RHEB: variants seen among roughly 807,000 people sequenced by gnomAD.
RHEB encodes GTP-binding protein Rheb.
Under a neutral mutation model 28.8 loss-of-function variants are expected in RHEB, and 2 were observed. The observed-to-expected ratio is 0.07, with a 90% CI of 0.03 to 0.22. The LOEUF is 0.22. RHEB is among the 10% of genes least tolerant of loss of function. RHEB has a pLI of 1.00. For synonymous variants in RHEB, 69 were observed against 77.3 expected (o/e 0.89, Z 0.56); for missense variants, 76 against 219.9 (o/e 0.35, Z 4.14).
intron 2 of RHEB, among the ~76,000 whole-genome samples, chr7:151,485,370 C>T (rs888162042): frequency 1.3e-5 from 2 of 152,190 alleles, no homozygotes; most frequent in Non-Finnish European, 1.5e-5. Context: ...CTTCTTTTCC[C>T]TGACAAGGGA....
chr7:151,484,541 A>G (rs754451460), intron 3 of RHEB, among the ~76,000 whole-genome samples, 196 bp downstream of exon 3: 1 of 152,208 alleles, frequency 6.6e-6, no homozygotes. Flanking sequence ...AATGTATCAA[A>G]TACCTCAATA....
intron 1 of RHEB, chr7:151,498,017 CACACTTG>C (rs1190767535): frequency 2.3e-6 from 2 of 866,320 alleles, no homozygotes; most frequent in Non-Finnish European, 3.3e-6. Flanking sequence ...TTGGGTGCCA[CACACTTG>C]ACCATGAAGA....
At chr7:151,519,432 G>A (rs1475530009) in intron 1 of RHEB, 28 bp downstream of exon 1, 6 of 1,395,490 alleles carry the variant, frequency 4.3e-6, no homozygotes, top group Admixed American at 2.5e-5. Context: ...GGCGGCGCGA[G>A]GAGGCCGCGC....
intron 1 of RHEB, among the ~76,000 whole-genome samples, chr7:151,494,846 T>C (rs986922539): frequency 3.9e-5 from 6 of 152,260 alleles, no homozygotes; most frequent in South Asian, 2.1e-4. Flanking sequence ...ATGCTGTTTT[T>C]TGCCATTTCC....
chr7:151,493,735 C>T (rs56690392), intron 1 of RHEB, among the ~76,000 whole-genome samples: 1,696 of 152,182 alleles, frequency 0.011, 30 homozygotes, highest in African/African-American at 0.038. Flanking sequence ...TTAAGAATTC[C>T]ACAAATTTAA....
At chr7:151,502,529 T>A in intron 1 of RHEB, 1 of 1,010,382 alleles carries the variant, frequency 9.9e-7, no homozygotes, top group East Asian at 2.4e-5. Flanking sequence ...TGACTTTGAA[T>A]CTTTCAAACC....
chr7:151,479,693 A>AT (rs1802347782), intron 3 of RHEB, among the ~76,000 whole-genome samples: 1 of 151,860 alleles, frequency 6.6e-6, no homozygotes, highest in Non-Finnish European at 1.5e-5. Flanking sequence ...AAAAAAAAAA[A>AT]AAAAAAGATT....
chr7:151,505,551 T>C (rs1802857204), intron 1 of RHEB, among the ~76,000 whole-genome samples: 1 of 152,196 alleles, frequency 6.6e-6, no homozygotes, highest in African/African-American at 2.4e-5. Context: ...GTGCTGCTAG[T>C]GGAGGCATAA....
intron 1 of RHEB, among the ~76,000 whole-genome samples, chr7:151,515,066 G>A (rs1180484499): frequency 1.3e-5 from 1 of 76,820 alleles, no homozygotes; most frequent in Non-Finnish European, 2.5e-5. Flanking sequence ...AAAAATAATA[G>A]CCAAAAAAAA....
chr7:151,504,489 G>A (rs143916957), intron 1 of RHEB, among the ~76,000 whole-genome samples: 1 of 152,010 alleles, frequency 6.6e-6, no homozygotes, highest in Non-Finnish European at 1.5e-5. Context: ...TGCATCCAAG[G>A]AATACTGTAT....
At chr7:151,512,024 A>G (rs1011834711) in intron 1 of RHEB, among the ~76,000 whole-genome samples, 5 of 152,236 alleles carry the variant, frequency 3.3e-5, no homozygotes, top group African/African-American at 1.2e-4. Flanking sequence ...AGTTAGCAAG[A>G]ATGACGTGAC....
intron 1 of RHEB, among the ~76,000 whole-genome samples, chr7:151,516,513 C>G (rs1163861420): frequency 1.3e-5 from 2 of 149,330 alleles, no homozygotes; most frequent in African/African-American, 4.9e-5. Flanking sequence ...ATCCCAGCTA[C>G]TTGGGAGGCT....
At chr7:151,488,250 GAA>G (rs757847708) in intron 2 of RHEB, among the ~76,000 whole-genome samples, 5 of 152,290 alleles carry the variant, frequency 3.3e-5, no homozygotes, top group African/African-American at 1.2e-4. Context: ...CCCCAAACTA[GAA>G]AATATGTGGT....
chr7:151,514,818 C>G (rs771766477), intron 1 of RHEB, among the ~76,000 whole-genome samples: 2 of 152,090 alleles, frequency 1.3e-5, no homozygotes, highest in Non-Finnish European at 2.9e-5. Context: ...CAGAGGATTG[C>G]TTGAGGTCAA....
chr7:151,495,780 A>C (rs1286829516), intron 1 of RHEB, among the ~76,000 whole-genome samples: 2 of 152,160 alleles, frequency 1.3e-5, no homozygotes, highest in Non-Finnish European at 2.9e-5. Context: ...ATAAAACCCT[A>C]TCTCTACAAA....
chr7:151,490,277 A>AACAAT (rs1802557301), intron 2 of RHEB, among the ~76,000 whole-genome samples: 1 of 152,196 alleles, frequency 6.6e-6, no homozygotes, highest in Admixed American at 6.5e-5. Flanking sequence ...TGTCTCTTTA[A>AACAAT]AAAATAAAAT....
rs927107199 is a variant in RHEB at position 151,519,657 on chromosome 7, T to C, written c.-146A>G. The C allele has an allele frequency of 3.1e-5, 20 of 640,546 alleles. No homozygotes were observed. The highest frequency in any genetic ancestry group is 4.5e-6 in the Non-Finnish European group (2 of 445,030). 39.7% of individuals were successfully genotyped at this position (640,546 alleles called of 1,614,324 possible). ...GCGCGGCTGCCTCTCGCTCGCTAGCTCGCGCGCTCCCAACCGCCCGGAACC... is the reference window on the plus strand; with the variant it reads ...GCGCGGCTGCCTCTCGCTCGCTAGCCCGCGCGCTCCCAACCGCCCGGAACC... On this transcript the variant is annotated 5_prime_UTR_variant, in exon 1 of 8. Coordinates refer to ENST00000262187, the MANE Select transcript of RHEB (RefSeq NM_005614.4).
intron 1 of RHEB, among the ~76,000 whole-genome samples, chr7:151,514,975 A>G (rs937075308): frequency 6.6e-6 from 1 of 151,882 alleles, no homozygotes; most frequent in African/African-American, 2.4e-5. Context: ...GGAGGTTGAC[A>G]CTGCAGTGAG....
chr7:151,517,635 T>C (rs1803104913), intron 1 of RHEB, among the ~76,000 whole-genome samples: 1 of 131,676 alleles, frequency 7.6e-6, no homozygotes. Flanking sequence ...GGACGCTGAA[T>C]AGAGGGAAGA....
Sources: allele counts gnomAD v4.1 joint callset (sites outside exome capture counted in the v4.1 genomes callset), GRCh38; gene constraint gnomAD v4.1.1; transcripts MANE v1.5; gene names NCBI Gene and HGNC (gene_info 2026-07-23, HGNC 2026-07-21).